EVI5: variants seen among roughly 807,000 people sequenced by gnomAD.
EVI5 encodes the protein ecotropic viral integration site 5 protein homolog.
EVI5 carries 73 observed loss-of-function variants against 112.0 expected under a neutral mutation model. That is an observed-to-expected ratio of 0.65 (90% confidence interval 0.54 to 0.79). The LOEUF is 0.79. Ranked by LOEUF, EVI5 falls within the 30% of genes least tolerant of loss-of-function variation. EVI5 has a pLI of 0.00. For missense variants in EVI5, 900 were observed against 968.8 expected, an observed-to-expected ratio of 0.93 and a Z score of 0.94; for synonymous variants, 305 against 319.9, an observed-to-expected ratio of 0.95 and a Z score of 0.50.
intron 2 of EVI5, among the ~76,000 whole-genome samples, chr1:92,719,987 C>T (rs1411027811): frequency 6.6e-6 from 1 of 151,984 alleles, no homozygotes; most frequent in Non-Finnish European, 1.5e-5. Flanking sequence ...AGGACCTCTT[C>T]AAGGAGAACT....
At chr1:92,757,500 T>C (rs904931868) in intron 1 of EVI5, among the ~76,000 whole-genome samples, 3 of 151,574 alleles carry the variant, frequency 2.0e-5, no homozygotes. Context: ...ATCTGTACAA[T>C]AAAAAAAATT....
intron 19 of EVI5, among the ~76,000 whole-genome samples, chr1:92,542,873 C>T (rs990823751): frequency 2.0e-5 from 3 of 152,062 alleles, no homozygotes; most frequent in Non-Finnish European, 4.4e-5. Flanking sequence ...TTTTTCTGAG[C>T]AGTAGGTTTC....
At chr1:92,639,772 A>T (rs1168430672) in intron 13 of EVI5, among the ~76,000 whole-genome samples, 2 of 152,238 alleles carry the variant, frequency 1.3e-5, no homozygotes, top group Non-Finnish European at 2.9e-5. Context: ...AAACTACTTT[A>T]AATTTCATAT....
At chr1:92,537,880 T>C (rs1215253775) in intron 19 of EVI5, among the ~76,000 whole-genome samples, 1 of 151,838 alleles carries the variant, frequency 6.6e-6, no homozygotes, top group Non-Finnish European at 1.5e-5. Context: ...AAGTAAATCA[T>C]AAAAAATATA....
chr1:92,601,358 G>A (rs1284879947), intron 18 of EVI5, among the ~76,000 whole-genome samples: 2 of 152,098 alleles, frequency 1.3e-5, no homozygotes, highest in African/African-American at 2.4e-5. Context: ...CCACTACTGG[G>A]TATATATCCA....
chr1:92,589,656 G>A (rs1673436075), intron 18 of EVI5, among the ~76,000 whole-genome samples: 1 of 152,212 alleles, frequency 6.6e-6, no homozygotes. Flanking sequence ...GCTCAAGGAG[G>A]CCTGCCTGCC....
At chr1:92,666,631 G>A (rs1664956718) in intron 10 of EVI5, among the ~76,000 whole-genome samples, 1 of 147,406 alleles carries the variant, frequency 6.8e-6, no homozygotes, top group African/African-American at 2.5e-5. Flanking sequence ...GGGAGGGGAG[G>A]GAAGGGGAGA....
intron 1 of EVI5, among the ~76,000 whole-genome samples, chr1:92,773,485 C>T (rs944921386): frequency 7.3e-5 from 11 of 151,124 alleles, no homozygotes; most frequent in African/African-American, 2.4e-4. Context: ...AGCAAGACCC[C>T]CAAAAATTAG....
chr1:92,590,854 AG>A (rs1423944291), intron 18 of EVI5, among the ~76,000 whole-genome samples: 2 of 152,250 alleles, frequency 1.3e-5, no homozygotes, highest in African/African-American at 4.8e-5. Flanking sequence ...TGTTAAGGGC[AG>A]CCAGAGAGAA....
intron 2 of EVI5, among the ~76,000 whole-genome samples, chr1:92,707,534 A>G (rs993007737): frequency 2.0e-5 from 3 of 152,186 alleles, no homozygotes; most frequent in African/African-American, 4.8e-5. Context: ...AGATAATCAA[A>G]TGGTCAATAA....
chr1:92,747,248 T>C (rs1558193820), intron 1 of EVI5, among the ~76,000 whole-genome samples: 1 of 152,206 alleles, frequency 6.6e-6, no homozygotes, highest in Non-Finnish European at 1.5e-5. Context: ...GGAAGATGTG[T>C]GTATATTATA....
Position 92,677,722 on chromosome 1 carries a change from G to T in EVI5, c.1098-504C>A, listed in dbSNP as rs377142406. ...AGAATTCCTCAGTAATAACTACTGC[G>T]GGAGGAACCACTAATGGATGCTAAA... On this transcript the variant is annotated intron_variant, in intron 9 of 19. Coordinates refer to ENST00000684568, the MANE Select transcript of EVI5 (RefSeq NM_001350197.2). Among the ~76,000 whole-genome samples, 6 of 152,244 alleles carry T rather than the reference G, an allele frequency of 3.9e-5. No individual in the cohort carries two copies. In the East Asian group the frequency reaches 9.6e-4, roughly 24 times the overall value.
At chr1:92,610,444 C>T (rs6603999) in intron 16 of EVI5, among the ~76,000 whole-genome samples, 140,218 of 152,176 alleles carry the variant, frequency 0.92, 64,683 homozygotes, top group East Asian at 0.97. Context: ...AACCCAAGAA[C>T]TGACCATGAG....
intron 1 of EVI5, among the ~76,000 whole-genome samples, chr1:92,770,717 G>A (rs940378577): frequency 6.6e-6 from 1 of 151,782 alleles, no homozygotes; most frequent in Non-Finnish European, 1.5e-5. Flanking sequence ...GTGAACCCGG[G>A]AGGTGGAGGT....
At chr1:92,722,325 T>C (rs1454732822) in intron 2 of EVI5, among the ~76,000 whole-genome samples, 1 of 152,118 alleles carries the variant, frequency 6.6e-6, no homozygotes, top group Admixed American at 6.6e-5. Context: ...AATTTTATTA[T>C]TATTAGACTT....
intron 1 of EVI5, among the ~76,000 whole-genome samples, chr1:92,770,606 C>G (rs190058891): frequency 6.6e-6 from 1 of 151,862 alleles, no homozygotes; most frequent in Non-Finnish European, 1.5e-5. Flanking sequence ...CTGGCTAACA[C>G]AGTGAAACCC....
intron 19 of EVI5, among the ~76,000 whole-genome samples, chr1:92,538,474 C>T (rs1367399986): frequency 6.6e-6 from 1 of 152,198 alleles, no homozygotes; most frequent in East Asian, 1.9e-4. Context: ...GGATTCTGTT[C>T]AGAGGAAATT....
intron 9 of EVI5, among the ~76,000 whole-genome samples, chr1:92,688,862 T>C (rs1234272420): frequency 6.6e-6 from 1 of 152,192 alleles, no homozygotes; most frequent in African/African-American, 2.4e-5. Context: ...ACAGGAAGCT[T>C]GAGCATTTTT....
intron 9 of EVI5, among the ~76,000 whole-genome samples, chr1:92,685,726 G>T (rs775985700): frequency 6.6e-6 from 1 of 152,192 alleles, no homozygotes; most frequent in East Asian, 1.9e-4. Context: ...TATCACCACC[G>T]ATCCCACAGA....
Sources: allele counts gnomAD v4.1 joint callset (sites outside exome capture counted in the v4.1 genomes callset), GRCh38; gene constraint gnomAD v4.1.1; transcripts MANE v1.5; gene names NCBI Gene and HGNC (gene_info 2026-07-23, HGNC 2026-07-21).